Variants in ACOX3 observed in about 807,000 individuals in gnomAD.
The protein encoded by ACOX3 is peroxisomal acyl-coenzyme A oxidase 3.
Under a neutral mutation model 81.5 loss-of-function variants are expected in ACOX3, and 73 were observed. The observed-to-expected ratio is 0.90, with a 90% CI of 0.74 to 1.09. The LOEUF (loss-of-function observed/expected upper bound fraction) is 1.09, where lower values mean the gene tolerates loss of function less well. ACOX3 is among the 50% of genes least tolerant of loss of function. ACOX3 has a pLI of 0.00. For missense variants in ACOX3, 947 were observed against 928.0 expected (o/e 1.02, Z -0.27); for synonymous variants, 387 against 375.1 (o/e 1.03, Z -0.37).
intron 17 of ACOX3, among the ~76,000 whole-genome samples, chr4:8,369,515 C>T (rs76217686): frequency 0.017 from 2,514 of 152,256 alleles, 74 homozygotes; most frequent in African/African-American, 0.056. Flanking sequence ...GGTCAGTCCC[C>T]GATGCAGGAC....
chr4:8,406,932 G>T lies in ACOX3; in HGVS notation c.688-889C>A, dbSNP rs1481135122. On this transcript the variant is annotated intron_variant, in intron 6 of 17. Transcript: ENST00000356406. The surrounding 1 kb of genome is among the most constrained non-coding windows in gnomAD (Gnocchi z 5.6). ...ACAAATGTCAGGCCCTCTACAAGAG[G>T]TGGAGGAGTAGAGTCTTCTCTAAAC... Among the ~76,000 whole-genome samples the T allele has an allele frequency of 6.6e-6, 1 of 152,174 alleles. No individual in the cohort carries two copies. The highest frequency in any genetic ancestry group is 1.5e-5 in the Non-Finnish European group (1 of 68,022).
At chr4:8,365,549 G>A (rs558009551), downstream of ACOX3, among the ~76,000 whole-genome samples, 12 of 152,292 alleles carry the variant, frequency 7.9e-5, no homozygotes, top group South Asian at 4.1e-4. Context: ...GTCTGCCTGC[G>A]GCAGTGTCCA....
rs1724286733 is a variant in ACOX3, at chr4:8,437,037, A to G, written c.-15+3611T>C. ...CATATATATATATTCGAAAAAATAT[A>G]TATAAATATATATATACAAATATAT... is the stretch of plus-strand genomic sequence containing the variant. On this transcript the variant is annotated intron_variant, in intron 1 of 17. Coordinates refer to ENST00000356406, the MANE Select transcript of ACOX3 (RefSeq NM_003501.3). This position sits in a 1 kb window ranked among gnomAD's most constrained non-coding sequence, Gnocchi z 5.2. 6.8e-6 allele frequency among the ~76,000 whole-genome samples: 1 copy of G among 146,486 alleles called. No individual in the cohort carries two copies. The highest frequency in any genetic ancestry group is 2.5e-5 in the African/African-American group (1 of 40,344).
In ACOX3 at chr4:8,423,461, AG is replaced by A. The variant is rs925137138; in HGVS notation, c.-14-6927del. ...TCCGCCTCCTTTCCCCACCAAAGGC[AG>A]TACCCTCTTAGACCCGAGGCCCAAC... On this transcript the variant is annotated intron_variant, in intron 1 of 17. Transcript: ENST00000356406. The surrounding 1 kb of genome is among the most constrained non-coding windows in gnomAD (Gnocchi z 4.2). Among the ~76,000 whole-genome samples the A allele has an allele frequency of 3.9e-5, 6 of 152,284 alleles. No individual in the cohort carries two copies. Among genetic ancestry groups the A allele is most frequent in the African/African-American group, 1.4e-4 (6 of 41,564 alleles).
At chr4:8,361,425 C>CAAAAAAAAAAAAA (rs56251372), downstream of ACOX3, among the ~76,000 whole-genome samples, 41 of 39,026 alleles carry the variant, frequency 1.1e-3, 5 homozygotes, top group African/African-American at 2.2e-3. Context: ...GACTCTATCT[C>CAAAAAAAAAAAAA]AAAAAAAAAA....
Position 8,420,280 on chromosome 4 carries a change from T to C in ACOX3, c.-14-3745A>G, listed in dbSNP as rs371175683. 1.1e-4 allele frequency among the ~76,000 whole-genome samples: 16 copies of C among 152,352 alleles called. No individual in the cohort carries two copies. In the East Asian group the frequency reaches 2.9e-3, roughly 28 times the overall value. On this transcript the variant is annotated intron_variant, in intron 1 of 17. Transcript: ENST00000356406. ...ATAAGGATTGTGAAGCCAGACTGTCTGGGTTCAAATCTCAATGTTACAGCT... is the reference window on the plus strand; with the variant it reads ...ATAAGGATTGTGAAGCCAGACTGTCCGGGTTCAAATCTCAATGTTACAGCT...
intron 15 of ACOX3, chr4:8,374,267 G>A (rs1716642789): frequency 6.5e-6 from 1 of 153,758 alleles, no homozygotes; most frequent in Admixed American, 6.5e-5. Context: ...AGGCAGCAGT[G>A]GGGCTCCTGC....
rs749261780 is a variant in ACOX3 at position 8,416,460 on chromosome 4, A to C, written c.62T>G (p.Leu21Arg). 6.2e-7 allele frequency: 1 copy of C among 1,614,074 alleles called. No individual in the cohort carries two copies. Among genetic ancestry groups the C allele is most frequent in the Non-Finnish European group, 8.5e-7 (1 of 1,179,978 alleles). The part of the protein sequence containing the change: ...ALLPEFPRGP[L>R]DAYRARASFS... ...GGACGCTCTTGCTCGGTAGGCATCGAGGGGCCCCCTGGGGAATTCTGGGAG... is the reference window on the plus strand; with the variant it reads ...GGACGCTCTTGCTCGGTAGGCATCGCGGGGCCCCCTGGGGAATTCTGGGAG... Residue 21 changes from leucine to arginine, a missense_variant, in exon 2 of 18, where the codon CTC (leucine) becomes CGC (arginine). Leu to Arg is a moderately radical substitution (Grantham distance 102, BLOSUM62 -2). Transcript: ENST00000356406. The surrounding 1 kb of genome is among the most constrained non-coding windows in gnomAD (Gnocchi z 4.2).
intron 1 of ACOX3, among the ~76,000 whole-genome samples, chr4:8,418,438 G>A: frequency 1.5e-5 from 2 of 129,942 alleles, no homozygotes; most frequent in Admixed American, 9.4e-5. Context: ...CAGCCTGGGT[G>A]ACAGAGCGAG....
At chr4:8,380,189 C>CTTTTT (rs11388749) in intron 14 of ACOX3, among the ~76,000 whole-genome samples, 3 of 125,860 alleles carry the variant, frequency 2.4e-5, no homozygotes, top group Admixed American at 8.1e-5. Flanking sequence ...ATATGGGTTC[C>CTTTTT]TTTTTTTTTT....
downstream of ACOX3, among the ~76,000 whole-genome samples, chr4:8,362,073 T>C (rs1715242280): frequency 6.6e-6 from 1 of 152,208 alleles, no homozygotes; most frequent in South Asian, 2.1e-4. Context: ...CAGACAATTG[T>C]TATCTTGTTT....
chr4:8,423,648 C>G lies in ACOX3; in HGVS notation c.-14-7113G>C, dbSNP rs1312948322. Among the ~76,000 whole-genome samples the G allele has an allele frequency of 6.6e-6, 1 of 152,180 alleles. No individual in the cohort carries two copies. Among genetic ancestry groups the G allele is most frequent in the Non-Finnish European group, 1.5e-5 (1 of 68,036 alleles). On this transcript the variant is annotated intron_variant, in intron 1 of 17. Coordinates refer to ENST00000356406, the MANE Select transcript of ACOX3 (RefSeq NM_003501.3). This position sits in a 1 kb window ranked among gnomAD's most constrained non-coding sequence, Gnocchi z 4.2. ...TCAATGAGGCTGTTGTTCCTCTATA[C>G]CCAGCTGTACCTAATCTTATACTCA...
intron 13 of ACOX3, among the ~76,000 whole-genome samples, chr4:8,383,930 C>T (rs1294616955): frequency 2.6e-5 from 4 of 152,202 alleles, no homozygotes; most frequent in Non-Finnish European, 4.4e-5. Context: ...ACCAAGGAAA[C>T]GGTCCGGCCA....
At chr4:8,366,103 C>T (rs1715416231), downstream of ACOX3, among the ~76,000 whole-genome samples, 1 of 152,180 alleles carries the variant, frequency 6.6e-6, no homozygotes, top group South Asian at 2.1e-4. Flanking sequence ...CTCCGGGAAC[C>T]TAACACTGGG....
chr4:8,402,398 C>G (rs1720467004), intron 7 of ACOX3, among the ~76,000 whole-genome samples: 1 of 152,194 alleles, frequency 6.6e-6, no homozygotes, highest in Non-Finnish European at 1.5e-5. Flanking sequence ...CAGAACACCC[C>G]ACCTCGTGAG....
chr4:8,371,226 T>C (rs1007155384), intron 16 of ACOX3, among the ~76,000 whole-genome samples: 1 of 152,182 alleles, frequency 6.6e-6, no homozygotes, highest in Non-Finnish European at 1.5e-5. Flanking sequence ...CTAGGGCTTG[T>C]TTCTTCCCAA....
chr4:8,429,980 G>C (rs1414345283), intron 1 of ACOX3, among the ~76,000 whole-genome samples: 5 of 152,116 alleles, frequency 3.3e-5, no homozygotes, highest in African/African-American at 1.2e-4. Flanking sequence ...GGAACTAAAA[G>C]ATGGGCAGTG....
Position 8,405,881 on chromosome 4 carries a change from G to A in ACOX3, c.776+74C>T. 7.0e-7 allele frequency: 1 copy of A among 1,431,174 alleles called. No individual in the cohort carries two copies. The highest frequency in any genetic ancestry group is 9.9e-7 in the Non-Finnish European group (1 of 1,014,518). The allele number at this position is 1,431,174 out of a possible 1,614,324, so 88.7% of individuals were successfully genotyped here. A position where few individuals can be genotyped will look rare whatever the true frequency, so the allele number is the denominator to read the frequency against. On this transcript the variant is annotated intron_variant, in intron 7 of 17. Coordinates refer to ENST00000356406, the MANE Select transcript of ACOX3 (RefSeq NM_003501.3). The surrounding 1 kb of genome is among the most constrained non-coding windows in gnomAD (Gnocchi z 7.1). The stretch of plus-strand genomic sequence containing the variant: ...GGCATGGCATCCATGGGGCCAGTGA[G>A]ATCTCAGACATGAGCGACAACGCAG...
At chr4:8,364,715 C>T (rs1384751662), downstream of ACOX3, among the ~76,000 whole-genome samples, 1 of 152,248 alleles carries the variant, frequency 6.6e-6, no homozygotes, top group Non-Finnish European at 1.5e-5. The surrounding 1 kb of genome is among the most constrained non-coding windows in gnomAD (Gnocchi z 5.0). Context: ...AAACCTTGAA[C>T]ATACCCTTGA....
Sources: gnomAD v4.1 joint callset for allele counts (sites outside exome capture counted in the v4.1 genomes callset) on GRCh38, gnomAD v4.1.1 for gene constraint, Gnocchi (gnomAD v3.1) non-coding constraint, MANE v1.5 for transcripts, NCBI Gene and HGNC (gene_info 2026-07-23, HGNC 2026-07-21) for gene names.